The following TKTL1 variants were observed in gnomAD, a reference collection of about 807,000 sequenced individuals.
TKTL1 encodes the protein transketolase like 1, also known as transketolase-like protein 1.
In TKTL1, 1 loss-of-function variant was observed where a neutral mutation model predicts 39.3. The observed-to-expected ratio is 0.03, with a 90% CI of 0.01 to 0.12. The LOEUF (loss-of-function observed/expected upper bound fraction) is 0.12, where lower values mean the gene tolerates loss of function less well. TKTL1 is among the 10% of genes least tolerant of loss of function. The pLI, the probability that TKTL1 is intolerant of heterozygous loss-of-function variation, is 1.00. For synonymous variants in TKTL1, 262 were observed against 193.8 expected (o/e 1.35, Z -2.92); for missense variants, 575 against 509.6 (o/e 1.13, Z -1.24).
chrX:154,298,519 C>T (rs782515561), intron 1 of TKTL1, among the ~76,000 whole-genome samples: 1 of 112,049 alleles, frequency 8.9e-6, no homozygotes, highest in Non-Finnish European at 1.9e-5. Context: ...CAGGACAAGC[C>T]TGGGCAACAT....
At chrX:154,325,465 G>A (rs781808942) in intron 10 of TKTL1, 43 bp downstream of exon 10, 2 of 1,071,990 alleles carry the variant, frequency 1.9e-6, no homozygotes, top group African/African-American at 3.7e-5. Flanking sequence ...ATCATCTCCT[G>A]TAAAAAGAAC....
At chrX:154,303,518 C>T (rs1439247304) in intron 1 of TKTL1, among the ~76,000 whole-genome samples, 1 of 103,539 alleles carries the variant, frequency 9.7e-6, no homozygotes, top group African/African-American at 3.6e-5. Flanking sequence ...GGTGTGAGCC[C>T]CCACGCCTGG....
At chrX:154,297,449 G>C (rs985862396) in intron 1 of TKTL1, among the ~76,000 whole-genome samples, 2 of 110,200 alleles carry the variant, frequency 1.8e-5, no homozygotes, top group Non-Finnish European at 3.8e-5. Context: ...GTGGAGACGG[G>C]GTTTCCCCGT....
At chrX:154,325,580 A>G (rs73629196) in intron 10 of TKTL1, among the ~76,000 whole-genome samples, 158 bp downstream of exon 10, 4,946 of 112,439 alleles carry the variant, frequency 0.044, 276 homozygotes, top group African/African-American at 0.15. Flanking sequence ...TTTCCTTGGG[A>G]AGGAACATTC....
intron 1 of TKTL1, among the ~76,000 whole-genome samples, chrX:154,296,861 C>G (rs782651593): frequency 9.0e-6 from 1 of 111,643 alleles, no homozygotes; most frequent in Admixed American, 9.5e-5. Flanking sequence ...CAAAATGTTA[C>G]AAAAATTAGC....
intron 9 of TKTL1, among the ~76,000 whole-genome samples, chrX:154,325,012 A>T (rs2067482675): frequency 8.9e-6 from 1 of 112,175 alleles, no homozygotes; most frequent in Non-Finnish European, 1.9e-5. Context: ...TTAATGTTTT[A>T]ACATTCTATT....
In TKTL1 at chrX:154,329,875, T is replaced by C; in HGVS notation, c.*187T>C. ...TTTAAACTGTCACTGCATATGCAAG[T>C]ACCGCTCTAATTTTTGGATCATTAA... On this transcript the variant is annotated 3_prime_UTR_variant, in exon 13 of 13. Coordinates refer to ENST00000369915, the MANE Select transcript of TKTL1 (RefSeq NM_012253.4). The C allele has an allele frequency of 2.4e-6, 1 of 425,288 alleles. No homozygotes were observed. The highest frequency in any genetic ancestry group is 4.0e-5 in the East Asian group (1 of 24,713). 35.0% of individuals were successfully genotyped at this position (425,288 alleles called of 1,213,427 possible).
chrX:154,312,478 C>T, intron 5 of TKTL1, 102 bp from the exon 6 acceptor site: 1 of 858,489 alleles, frequency 1.2e-6, no homozygotes, highest in African/African-American at 2.0e-5. Flanking sequence ...TCCTGTGAGT[C>T]CTAGGGTGAC....
At position 154,309,431 on chromosome X, in the gene TKTL1, C is replaced by T. The variant is rs782116452; in HGVS notation, c.339C>T (p.Phe113=). ...ACGMAYTGKY[F]DRASYRVFCL... is the part of the protein sequence containing the mutation. ...GAATGGCATATACTGGCAAGTACTT[C>T]GACAGGGCCAGGTGAGGTTCTTCCC... The change falls in exon 3 of 13, where the codon TTC becomes TTT. Residue 113 remains phenylalanine, a synonymous_variant. Transcript: ENST00000369915. 35 of 1,205,498 alleles carry T rather than the reference C, an allele frequency of 2.9e-5. No homozygotes were observed. Among genetic ancestry groups the T allele is most frequent in the Middle Eastern group, 2.3e-4 (1 of 4,361 alleles).
chrX:154,323,621 GTGT>G (rs2067470046), intron 9 of TKTL1, among the ~76,000 whole-genome samples: 1 of 112,029 alleles, frequency 8.9e-6, no homozygotes, highest in Admixed American at 9.5e-5. Flanking sequence ...ACAGGAGAAG[GTGT>G]TTAACAAAGG....
At chrX:154,299,004 C>T (rs1413832560) in intron 1 of TKTL1, among the ~76,000 whole-genome samples, 1 of 109,841 alleles carries the variant, frequency 9.1e-6, no homozygotes, top group Non-Finnish European at 1.9e-5. Context: ...CCACCGCACC[C>T]GGCCAGATGT....
chrX:154,307,913 G>A (rs2067327661), intron 2 of TKTL1, among the ~76,000 whole-genome samples: 1 of 111,707 alleles, frequency 9.0e-6, no homozygotes, highest in Non-Finnish European at 1.9e-5. Flanking sequence ...GGGAGTCTCT[G>A]GGGGGCACAA....
At chrX:154,297,252 G>GT (rs1178551145) in intron 1 of TKTL1, among the ~76,000 whole-genome samples, 1,919 of 105,739 alleles carry the variant, frequency 0.018, 25 homozygotes, top group South Asian at 0.055. Context: ...GGTTTTTTTT[G>GT]TTTTTTTTTT....
chrX:154,321,810 C>T (rs1166665085), intron 8 of TKTL1, among the ~76,000 whole-genome samples: 1 of 107,848 alleles, frequency 9.3e-6, no homozygotes, highest in Non-Finnish European at 1.9e-5. Context: ...GACGAGATGG[C>T]TCTAGATGGA....
intron 1 of TKTL1, 35 bp from the exon 2 acceptor site, chrX:154,305,269 T>C (rs2067306277): frequency 2.5e-6 from 3 of 1,197,709 alleles, no homozygotes; most frequent in Non-Finnish European, 3.4e-6. Flanking sequence ...AGCCAGTTGC[T>C]GTGAGAAATG....
intron 1 of TKTL1, among the ~76,000 whole-genome samples, chrX:154,303,673 G>C (rs113187971): frequency 0.11 from 11,730 of 106,437 alleles, 1,656 homozygotes; most frequent in African/African-American, 0.38. Context: ...CTCCTGGGCT[G>C]CGTGCCACCC....
In TKTL1 at chrX:154,297,244, T is replaced by G. The variant is rs782333193; in HGVS notation, c.134+1251T>G. Among the ~76,000 whole-genome samples, 14 of 95,539 alleles carry G rather than the reference T, an allele frequency of 1.5e-4. No homozygotes were observed. The East Asian group carries it at 2.8e-3, about 19-fold the overall frequency. The allele number at this position is 95,539 out of a possible 115,157, so 83.0% of individuals were successfully genotyped here. On this transcript the variant is annotated intron_variant, in intron 1 of 12. Coordinates refer to ENST00000369915, the MANE Select transcript of TKTL1 (RefSeq NM_012253.4). ...AGTATAAGGGATATTGGTCTACAGG[T>G]TTTTTTTGTTTTTTTTTTCTTTTTT...
chrX:154,311,918 C>T (rs782095924), intron 5 of TKTL1, among the ~76,000 whole-genome samples: 55 of 110,642 alleles, frequency 5.0e-4, no homozygotes, highest in African/African-American at 1.8e-3. Context: ...ACCCAGTCCC[C>T]TAGATTACAT....
Position 154,312,776 on chromosome X carries a change from AG to A in TKTL1, c.864+5del. ...CTGATTACAGAGTTGGTGACAAGGTAGGCAGAAAGGTGGATAATTGAATAAA... is the reference window on the plus strand; with the variant it reads ...CTGATTACAGAGTTGGTGACAAGGTAGCAGAAAGGTGGATAATTGAATAAA... On this transcript the variant is annotated splice_donor_region_variant and intron_variant, in intron 6 of 12. Transcript: ENST00000369915. The A allele has an allele frequency of 8.4e-7, 1 of 1,195,573 alleles. No homozygotes were observed. The highest frequency in any genetic ancestry group is 2.3e-5 in the Admixed American group (1 of 44,101).
Sources: gnomAD v4.1 joint callset for allele counts (sites outside exome capture counted in the v4.1 genomes callset) on GRCh38, gnomAD v4.1.1 for gene constraint, MANE v1.5 for transcripts, NCBI Gene and HGNC (gene_info 2026-07-23, HGNC 2026-07-21) for gene names.